The following ITPK1 variants were observed in gnomAD, a reference collection of about 807,000 sequenced individuals.
ITPK1 encodes the protein inositol-tetrakisphosphate 1-kinase, also known as inositol 1,3,4-trisphosphate 5/6-kinase.
Under a neutral mutation model 45.3 loss-of-function variants are expected in ITPK1, and 21 were observed. That is an observed-to-expected ratio of 0.46 (90% CI 0.33 to 0.67). The LOEUF is 0.67. ITPK1 is among the 30% of genes least tolerant of loss of function. ITPK1 has a pLI of 0.02. For missense variants in ITPK1, 474 were observed against 573.5 expected (o/e 0.83, Z 1.77); for synonymous variants, 258 against 253.6 (o/e 1.02, Z -0.16).
chr14:92,945,073 A>C (rs1473665058), intron 10 of ITPK1, among the ~76,000 whole-genome samples: 1 of 152,206 alleles, frequency 6.6e-6, no homozygotes, highest in African/African-American at 2.4e-5. Flanking sequence ...CACCTCACAG[A>C]GGAGCCCGCT....
chr14:93,094,645 C>T (rs1262805600), intron 2 of ITPK1, among the ~76,000 whole-genome samples: 7 of 152,210 alleles, frequency 4.6e-5, no homozygotes, highest in Non-Finnish European at 1.0e-4. Flanking sequence ...GTGAGGCAGC[C>T]AGGCCCCAAG....
chr14:92,941,911 G>GA lies in ITPK1; in HGVS notation c.902-8_902-7insT. 6.2e-7 allele frequency: 1 copy of GA among 1,610,108 alleles called. No homozygotes were observed. The highest frequency in any genetic ancestry group is 8.5e-7 in the Non-Finnish European group (1 of 1,178,884). On this transcript the variant is annotated splice_polypyrimidine_tract_variant and splice_region_variant and intron_variant, in intron 10 of 10. Transcript: ENST00000267615. ...TCGCTCACGCCCTCGTAGCCTGGGG[G>GA]TGGGAGAGAGACAGCACAAGGGGCG... is the stretch of plus-strand genomic sequence containing the variant.
intron 4 of ITPK1, among the ~76,000 whole-genome samples, chr14:92,999,165 C>T (rs11160097): frequency 0.17 from 26,304 of 152,248 alleles, 2,433 homozygotes; most frequent in South Asian, 0.29. Context: ...GTGCGTGACC[C>T]GCCTGGCAGA....
At chr14:93,072,983 A>G (rs186067750) in intron 3 of ITPK1, among the ~76,000 whole-genome samples, 203 of 152,324 alleles carry the variant, frequency 1.3e-3, no homozygotes, top group African/African-American at 4.6e-3. Flanking sequence ...CCAGGATGAC[A>G]ATGACTGGCC....
intron 3 of ITPK1, among the ~76,000 whole-genome samples, chr14:93,017,726 C>T (rs1004486513): frequency 2.0e-5 from 3 of 152,258 alleles, no homozygotes; most frequent in South Asian, 2.1e-4. Context: ...AAGCCCCACC[C>T]CTGCTCTCAT....
intron 5 of ITPK1, among the ~76,000 whole-genome samples, chr14:92,980,319 G>A (rs1388619704): frequency 6.6e-6 from 1 of 152,174 alleles, no homozygotes; most frequent in Non-Finnish European, 1.5e-5. Context: ...GCAGCCGAGT[G>A]AACTCCATGA....
intron 3 of ITPK1, among the ~76,000 whole-genome samples, chr14:93,039,603 G>A (rs76973221): frequency 0.027 from 4,183 of 152,262 alleles, 99 homozygotes; most frequent in Admixed American, 0.085. Context: ...TCCGCTGCTC[G>A]CAGATCTGAC....
chr14:92,951,338 G>A (rs1236966341), intron 9 of ITPK1, among the ~76,000 whole-genome samples: 1 of 152,208 alleles, frequency 6.6e-6, no homozygotes, highest in Non-Finnish European at 1.5e-5. Context: ...CAGATCTGGG[G>A]TCAAACCCCA....
At position 93,016,587 on chromosome 14, in the gene ITPK1, A is replaced by G; in HGVS notation, c.246+89T>C. On this transcript the variant is annotated intron_variant, in intron 4 of 10. Transcript: ENST00000267615. This position sits in a 1 kb window ranked among gnomAD's most constrained non-coding sequence, Gnocchi z 5.0. ...CAGACTATACCTCCAGAGAGCTGCT[A>G]CCGCCCTAAATACACACACGGCCAT... 1 of 1,433,460 alleles carries G rather than the reference A, an allele frequency of 7.0e-7. No individual in the cohort carries two copies. The highest frequency in any genetic ancestry group is 9.6e-7 in the Non-Finnish European group (1 of 1,036,922). 88.8% of individuals were successfully genotyped at this position (1,433,460 alleles called of 1,614,324 possible).
Position 93,014,420 on chromosome 14 carries a change from A to C in ITPK1, c.246+2256T>G, listed in dbSNP as rs1216948441. 6.6e-6 allele frequency among the ~76,000 whole-genome samples: 1 copy of C among 152,046 alleles called. No homozygotes were observed. The highest frequency in any genetic ancestry group is 1.5e-5 in the Non-Finnish European group (1 of 68,000). The stretch of plus-strand genomic sequence containing the variant: ...AGAGCTTGGGAGCAGATGTTCCAGA[A>C]CTCCGGGCCCAGGCTAGCTGGGAGA... On this transcript the variant is annotated intron_variant, in intron 4 of 10. Coordinates refer to ENST00000267615, the MANE Select transcript of ITPK1 (RefSeq NM_014216.6). The surrounding 1 kb of genome is among the most constrained non-coding windows in gnomAD (Gnocchi z 4.4).
intron 2 of ITPK1, among the ~76,000 whole-genome samples, chr14:93,102,391 G>A (rs1892355836): frequency 6.6e-6 from 1 of 152,286 alleles, no homozygotes. Context: ...TTCCTGCAGG[G>A]AGGCGGCAAA....
intron 2 of ITPK1, among the ~76,000 whole-genome samples, chr14:93,096,135 A>C (rs1892069442): frequency 6.6e-6 from 1 of 152,058 alleles, no homozygotes; most frequent in Non-Finnish European, 1.5e-5. Context: ...GCTCACCAAC[A>C]CACCAAGCTC....
intron 5 of ITPK1, among the ~76,000 whole-genome samples, chr14:92,982,104 G>A (rs1889173866): frequency 6.6e-6 from 1 of 152,250 alleles, no homozygotes; most frequent in Admixed American, 6.5e-5. Flanking sequence ...ACAGGGCCTG[G>A]AGAGATGCAA....
intron 5 of ITPK1, among the ~76,000 whole-genome samples, chr14:92,992,649 T>C (rs1057206853): frequency 6.6e-6 from 1 of 152,174 alleles, no homozygotes; most frequent in African/African-American, 2.4e-5. Flanking sequence ...ACTCACCTAC[T>C]CTCCAGGCCA....
chr14:93,112,346 A>T (rs115071510), intron 2 of ITPK1, among the ~76,000 whole-genome samples: 1 of 152,138 alleles, frequency 6.6e-6, no homozygotes, highest in African/African-American at 2.4e-5. Context: ...CTCTGAGATC[A>T]GATTTTTACA....
chr14:93,006,078 G>C (rs1006239094), intron 4 of ITPK1, among the ~76,000 whole-genome samples: 16 of 152,298 alleles, frequency 1.1e-4, no homozygotes, highest in Admixed American at 3.9e-4. Flanking sequence ...GAGCAGCAGA[G>C]GGACTCTGTT....
At chr14:93,050,425 C>T (rs976102705) in intron 3 of ITPK1, among the ~76,000 whole-genome samples, 1 of 152,152 alleles carries the variant, frequency 6.6e-6, no homozygotes, top group Non-Finnish European at 1.5e-5. Flanking sequence ...TCTTGAGTTC[C>T]ACGTGCTCCA....
rs1401738160 is a variant in ITPK1 at position 93,016,425 on chromosome 14, C to T, written c.246+251G>A. 1.3e-5 allele frequency among the ~76,000 whole-genome samples: 2 copies of T among 152,062 alleles called. No individual in the cohort carries two copies. Among genetic ancestry groups the T allele is most frequent in the African/African-American group, 4.8e-5 (2 of 41,380 alleles). ...ACTCAGCGATGCCTCATCAGTAAAC[C>T]GTGTCTACACAGCCAGGGGGTGGAG... On this transcript the variant is annotated intron_variant, in intron 4 of 10. Coordinates refer to ENST00000267615, the MANE Select transcript of ITPK1 (RefSeq NM_014216.6). This position sits in a 1 kb window ranked among gnomAD's most constrained non-coding sequence, Gnocchi z 5.0.
rs1262186250 is a variant in ITPK1, at chr14:92,951,937, G to A, written c.738+9C>T. The A allele has an allele frequency of 6.4e-7, 1 of 1,570,620 alleles. No individual in the cohort carries two copies. The highest frequency in any genetic ancestry group is 8.6e-7 in the Non-Finnish European group (1 of 1,157,122). On this transcript the variant is annotated intron_variant, in intron 9 of 10. Transcript: ENST00000267615. ...TTTCAGGCCAGGCCATCCCAGCAGAGGGACCCACCTCCGTCAGGACCGATG... is the reference window on the plus strand; with the variant it reads ...TTTCAGGCCAGGCCATCCCAGCAGAAGGACCCACCTCCGTCAGGACCGATG...
Sources: gnomAD v4.1 joint callset for allele counts (sites outside exome capture counted in the v4.1 genomes callset) on GRCh38, gnomAD v4.1.1 for gene constraint, Gnocchi (gnomAD v3.1) non-coding constraint, MANE v1.5 for transcripts, NCBI Gene and HGNC (gene_info 2026-07-23, HGNC 2026-07-21) for gene names.